Variants in CNKSR1 observed in about 807,000 individuals in gnomAD.
CNKSR1 encodes the protein connector enhancer of kinase suppressor of Ras 1.
Under a neutral mutation model 95.6 loss-of-function variants are expected in CNKSR1, and 88 were observed. That is an observed-to-expected ratio of 0.92 (90% CI 0.78 to 1.10). The LOEUF (loss-of-function observed/expected upper bound fraction) is 1.10, where lower values mean the gene tolerates loss of function less well. Among genes scored for constraint, CNKSR1 ranks in the 50% least tolerant of loss-of-function variants. The pLI is 0.00. For synonymous variants in CNKSR1, 355 were observed against 369.7 expected (o/e 0.96, Z 0.46); for missense variants, 836 against 912.0 (o/e 0.92, Z 1.07).
At chr1:26,183,924 C>T in intron 9 of CNKSR1, 94 bp downstream of exon 9, 1 of 524,232 alleles carries the variant, frequency 1.9e-6, no homozygotes, top group Non-Finnish European at 3.5e-6. Flanking sequence ...CAGACCCCCC[C>T]CAACAGGCAC....
intron 6 of CNKSR1, 48 bp from the exon 7 acceptor site, chr1:26,183,149 G>A: frequency 6.3e-7 from 1 of 1,582,444 alleles, no homozygotes. Context: ...CTGCCTATTG[G>A]CCCTGTTGCC....
Position 26,180,911 on chromosome 1 carries a change from G to A in CNKSR1, c.392+15G>A, listed in dbSNP as rs757266807. ...TGGCTCAGCAGGTACCCGGGTTGGG[G>A]TGACGAGTGAGGGACTATTGTCATC... is the stretch of plus-strand genomic sequence containing the variant. On this transcript the variant is annotated intron_variant, in intron 3 of 20. Transcript: ENST00000361530. 6.2e-7 allele frequency: 1 copy of A among 1,613,816 alleles called. No individual in the cohort carries two copies. The highest frequency in any genetic ancestry group is 8.5e-7 in the Non-Finnish European group (1 of 1,179,694).
intron 8 of CNKSR1, 101 bp downstream of exon 8, chr1:26,183,515 G>A: frequency 7.5e-7 from 1 of 1,324,788 alleles, no homozygotes; most frequent in Admixed American, 1.9e-5. Context: ...CAGGGTTGTG[G>A]GAGCTGCCTT....
rs755132979 is a variant in CNKSR1 at position 26,183,353 on chromosome 1, C to T, written c.692C>T (p.Thr231Ile). The T allele has an allele frequency of 6.2e-7, 1 of 1,614,210 alleles. No individual in the cohort carries two copies. Among genetic ancestry groups the T allele is most frequent in the South Asian group, 1.1e-5 (1 of 91,088 alleles). ...CCCCATTCCCCACGTCAGGTTCCCA[C>T]TGACTCCCGACTGCAGATCCAGCCT... ...FVSQVDTQVP[T>I]DSRLQIQPGD... The change falls in exon 8 of 21, where the codon ACT becomes ATT. Residue 231 changes from threonine to isoleucine, a missense_variant. Coordinates refer to ENST00000361530, the MANE Select transcript of CNKSR1 (RefSeq NM_006314.3).
chr1:26,181,908 CTTG>C lies in CNKSR1; in HGVS notation c.448_450del (p.Leu150del). On this transcript the variant is annotated inframe_deletion, in exon 4 of 21. Coordinates refer to ENST00000361530, the MANE Select transcript of CNKSR1 (RefSeq NM_006314.3). ...TCTCAGCATGCCAGGAGATCCGAGA[CTTG>C]TTGGAGGAGCTGAGCCAGGTCTTGC... 1.9e-6 allele frequency: 3 copies of C among 1,614,018 alleles called. No individual in the cohort carries two copies. Among genetic ancestry groups the C allele is most frequent in the Non-Finnish European group, 2.5e-6 (3 of 1,179,906 alleles).
rs2088807980 is a variant in CNKSR1 at position 26,188,774 on chromosome 1, A to G, written c.1693A>G (p.Ser565Gly). Residue 565 changes from serine to glycine, a missense_variant and splice_region_variant, in exon 20 of 21, where the codon AGC becomes GGC. Ser to Gly is a moderately conservative substitution (Grantham distance 56, BLOSUM62 0). Coordinates refer to ENST00000361530, the MANE Select transcript of CNKSR1 (RefSeq NM_006314.3). ...CATCCTGCTCTTCCCTCCCACAGAC[A>G]GCAGTGAAGAGGCACTGGAAGGAAT... ...PRTSFGSLTDSSEEALEGMVR... is the reference protein window; with the variant it reads ...PRTSFGSLTDGSEEALEGMVR... 6.2e-7 allele frequency: 1 copy of G among 1,609,268 alleles called. No individual in the cohort carries two copies. Among genetic ancestry groups the G allele is most frequent in the Non-Finnish European group, 8.5e-7 (1 of 1,176,650 alleles).
intron 4 of CNKSR1, 28 bp from the exon 5 acceptor site, chr1:26,182,333 G>A (rs771700066): frequency 6.2e-7 from 1 of 1,613,568 alleles, no homozygotes; most frequent in Admixed American, 1.7e-5. Context: ...GCTCAGGGGA[G>A]GCCCCTGCTC....
intron 8 of CNKSR1, 41 bp from the exon 9 acceptor site, chr1:26,183,688 T>C (rs1569878887): frequency 6.9e-7 from 1 of 1,439,316 alleles, no homozygotes; most frequent in Non-Finnish European, 9.8e-7. Context: ...CTTTAGAGCC[T>C]CCTGCCCAGG....
At chr1:26,180,659 G>A in intron 2 of CNKSR1, 49 bp downstream of exon 2, 4 of 1,614,102 alleles carry the variant, frequency 2.5e-6, no homozygotes, top group Non-Finnish European at 3.4e-6. Context: ...AACCTGGGGG[G>A]TGTGATGGGG....
At position 26,183,401 on chromosome 1, in the gene CNKSR1, A is replaced by G. The variant is rs771786490; in HGVS notation, c.740A>G (p.Asn247Ser). ...IQPGDEVVQI[N>S]EQVVVGWPRK... ...CCTGGAGACGAGGTTGTCCAGATCA[A>G]CGAGCAGGTGGTGGTGCGTGAGGAG... The change falls in exon 8 of 21, where the codon AAC (asparagine) becomes AGC (serine). Residue 247 changes from asparagine to serine, a missense_variant. Transcript: ENST00000361530. The G allele has an allele frequency of 1.2e-6, 2 of 1,614,150 alleles. No homozygotes were observed. Among genetic ancestry groups the G allele is most frequent in the Non-Finnish European group, 1.7e-6 (2 of 1,180,012 alleles).
chr1:26,177,687 A>T, intron 1 of CNKSR1, 88 bp downstream of exon 1: 2 of 1,500,640 alleles, frequency 1.3e-6, no homozygotes, highest in Non-Finnish European at 1.8e-6. Flanking sequence ...AGGAAAAAAA[A>T]TCTGCGGACT....
Position 26,187,233 on chromosome 1 carries a change from GAAGA to G in CNKSR1, c.1377_1380del (p.Lys459AsnfsTer21). On this transcript the variant is annotated frameshift_variant, in exon 15 of 21. Transcript: ENST00000361530. LOFTEE classifies it high-confidence loss of function. ...GTCTGGAAAGTGGACATGATCAGAA[GAAGA>G]AATAGTTAAGTCTTGGGGTGTGATG... 1 of 1,613,706 alleles carries G rather than the reference GAAGA, an allele frequency of 6.2e-7. No homozygotes were observed. Among genetic ancestry groups the G allele is most frequent in the Non-Finnish European group, 8.5e-7 (1 of 1,179,594 alleles).
chr1:26,185,128 G>C lies in CNKSR1; in HGVS notation c.1250G>C (p.Trp417Ser). 1 of 1,583,662 alleles carries C rather than the reference G, an allele frequency of 6.3e-7. No homozygotes were observed. Among genetic ancestry groups the C allele is most frequent in the South Asian group, 1.1e-5 (1 of 87,224 alleles). The change falls in exon 14 of 21, where the codon TGG becomes TCG. Residue 417 changes from tryptophan to serine, a missense_variant. Coordinates refer to ENST00000361530, the MANE Select transcript of CNKSR1 (RefSeq NM_006314.3). ...CCGGGCGGCTTCATGGGCCCGCGCT[G>C]GCGCCGCCGCTGGTTTGTGCTCAAG... is the stretch of plus-strand genomic sequence containing the variant. ...KAPGGFMGPR[W>S]RRRWFVLKGH...
chr1:26,188,740 G>A (rs1234062016), intron 19 of CNKSR1, 32 bp from the exon 20 acceptor site: 7 of 1,611,332 alleles, frequency 4.3e-6, no homozygotes, highest in Non-Finnish European at 5.9e-6. Flanking sequence ...GCTGGGGTGG[G>A]CACATCCTCA....
Position 26,182,470 on chromosome 1 carries a change from C to G in CNKSR1, c.520-10C>G. ...GGGCTCAGGCTACATAGCCCGCTCCCCTCCCCCAGTGCAGCCACGTGGCTG... is the reference window on the plus strand; with the variant it reads ...GGGCTCAGGCTACATAGCCCGCTCCGCTCCCCCAGTGCAGCCACGTGGCTG... On this transcript the variant is annotated splice_polypyrimidine_tract_variant and intron_variant, in intron 5 of 20. Transcript: ENST00000361530. 6.2e-7 allele frequency: 1 copy of G among 1,613,830 alleles called. No homozygotes were observed. Among genetic ancestry groups the G allele is most frequent in the Non-Finnish European group, 8.5e-7 (1 of 1,179,812 alleles).
Position 26,185,021 on chromosome 1 carries a change from G to A in CNKSR1, c.1143G>A (p.Ala381=), listed in dbSNP as rs754000155. ...TGTGCTGTGCTGCTACAGGCCTGGCGACCCGGCTGAGCCGCCGGCGGGTGT... is the reference window on the plus strand; with the variant it reads ...TGTGCTGTGCTGCTACAGGCCTGGCAACCCGGCTGAGCCGCCGGCGGGTGT... ...PVGRKKSKGL[A]TRLSRRRVSC... is the part of the protein sequence containing the mutation. The change falls in exon 14 of 21, where the codon GCG becomes GCA. Residue 381 remains alanine (A), a synonymous_variant. Transcript: ENST00000361530. The A allele has an allele frequency of 1.9e-5, 31 of 1,597,048 alleles. No homozygotes were observed. The highest frequency in any genetic ancestry group is 6.7e-5 in the Admixed American group (4 of 59,366).
chr1:26,181,716 T>C, intron 3 of CNKSR1, 141 bp from the exon 4 acceptor site: 1 of 756,010 alleles, frequency 1.3e-6, no homozygotes, highest in Non-Finnish European at 2.3e-6. Context: ...TTTAGATGTC[T>C]CAATCATCTC....
intron 6 of CNKSR1, among the ~76,000 whole-genome samples, chr1:26,182,972 C>T (rs543915973): frequency 2.8e-4 from 43 of 152,214 alleles, no homozygotes; most frequent in African/African-American, 1.0e-3. Flanking sequence ...GCTGGTACCT[C>T]AGAAATCAGG....
At chr1:26,181,625 CT>C in intron 3 of CNKSR1, 1 of 542,254 alleles carries the variant, frequency 1.8e-6, no homozygotes, top group Non-Finnish European at 3.3e-6. Context: ...TGTATGATGT[CT>C]TTACTGTCTG....
Sources: allele counts gnomAD v4.1 joint callset (sites outside exome capture counted in the v4.1 genomes callset), GRCh38; gene constraint gnomAD v4.1.1; transcripts MANE v1.5; gene names NCBI Gene and HGNC (gene_info 2026-07-23, HGNC 2026-07-21).